The following MYT1L variants were observed in gnomAD, a reference collection of about 807,000 sequenced individuals.
The protein encoded by MYT1L is myelin transcription factor 1 like, also known as myelin transcription factor 1-like protein.
In MYT1L, 12 loss-of-function variants were observed where a neutral mutation model predicts 126.7. That is an observed-to-expected ratio of 0.09 (90% CI 0.06 to 0.15). The LOEUF (loss-of-function observed/expected upper bound fraction) is 0.15. MYT1L is among the 10% of genes least tolerant of loss of function. The pLI, the probability that MYT1L is intolerant of heterozygous loss-of-function variation, is 1.00. For synonymous variants in MYT1L, 541 were observed against 604.2 expected, an observed-to-expected ratio of 0.90 and a Z score of 1.53; for missense variants, 979 against 1,585.2, an observed-to-expected ratio of 0.62 and a Z score of 6.49.
At chr2:2,205,430 G>C (rs1175432396) in intron 2 of MYT1L, among the ~76,000 whole-genome samples, 1 of 152,084 alleles carries the variant, frequency 6.6e-6, no homozygotes, top group Admixed American at 6.5e-5. Flanking sequence ...TGTAAGTAAT[G>C]TTCCCTAAAT....
chr2:2,188,799 G>A (rs150577379), intron 2 of MYT1L, among the ~76,000 whole-genome samples: 23 of 152,280 alleles, frequency 1.5e-4, no homozygotes, highest in Non-Finnish European at 2.9e-4. Flanking sequence ...TGACAAGCTG[G>A]CCAAATGCAG....
chr2:1,868,067 G>C (rs1035954891), intron 18 of MYT1L, among the ~76,000 whole-genome samples: 5 of 151,972 alleles, frequency 3.3e-5, no homozygotes. Context: ...CCTGGGTTCA[G>C]GTGATTCCCC....
chr2:1,960,187 G>A (rs1218505266), intron 8 of MYT1L, among the ~76,000 whole-genome samples: 2 of 152,122 alleles, frequency 1.3e-5, no homozygotes, highest in African/African-American at 4.8e-5. Context: ...CGACATACAA[G>A]GCTTTACATG....
chr2:2,146,360 G>A (rs1289661331), intron 3 of MYT1L, among the ~76,000 whole-genome samples: 1 of 152,216 alleles, frequency 6.6e-6, no homozygotes, highest in Non-Finnish European at 1.5e-5. Flanking sequence ...AGGAGTGAGT[G>A]TGGCACAAGG....
At chr2:2,001,659 C>T (rs547285045) in intron 4 of MYT1L, among the ~76,000 whole-genome samples, 11 of 152,240 alleles carry the variant, frequency 7.2e-5, no homozygotes, top group Middle Eastern at 6.8e-3. Flanking sequence ...CACAATTTGG[C>T]CATTTTTGCA....
intron 2 of MYT1L, among the ~76,000 whole-genome samples, chr2:2,180,555 T>C (rs927166472): frequency 6.6e-6 from 1 of 151,502 alleles, no homozygotes; most frequent in South Asian, 2.1e-4. Context: ...TCTGTACCTG[T>C]GTGGGCCCGT....
chr2:2,089,417 C>T (rs1035855853), intron 3 of MYT1L, among the ~76,000 whole-genome samples: 6 of 152,188 alleles, frequency 3.9e-5, no homozygotes, highest in Non-Finnish European at 7.3e-5. Flanking sequence ...CTCAGGAGAT[C>T]CATCTCTCCT....
chr2:2,197,610 C>T (rs2092864062), intron 2 of MYT1L, among the ~76,000 whole-genome samples: 1 of 151,094 alleles, frequency 6.6e-6, no homozygotes, highest in Non-Finnish European at 1.5e-5. Flanking sequence ...AACATATACA[C>T]ACGTATATAC....
rs879735548 is a variant in MYT1L at position 1,956,607 on chromosome 2, TCTATCTATCTATCTAC to T, written c.153-13289_153-13274del. Among the ~76,000 whole-genome samples, 613 of 151,064 alleles carry T rather than the reference TCTATCTATCTATCTAC, an allele frequency of 4.1e-3. 4 individuals are homozygous for T. Among genetic ancestry groups the T allele is most frequent in the Non-Finnish European group, 7.0e-3 (474 of 67,798 alleles). On this transcript the variant is annotated intron_variant, in intron 8 of 24. Transcript: ENST00000647738. Reference sequence around the variant, plus strand: ...ATCTATCTATCTATCTATCTATCTATCTATCTATCTATCTACCTACCTACCTATCTAGCTATCTATT... The same window carrying T: ...ATCTATCTATCTATCTATCTATCTATCTACCTACCTATCTAGCTATCTATT...
intron 2 of MYT1L, among the ~76,000 whole-genome samples, chr2:2,279,332 C>T (rs1340549868): frequency 2.0e-5 from 3 of 151,530 alleles, no homozygotes; most frequent in South Asian, 4.2e-4. Flanking sequence ...GACAATAATG[C>T]CTTCTTACAT....
chr2:1,949,376 C>G (rs2057531836), intron 8 of MYT1L, among the ~76,000 whole-genome samples: 1 of 152,124 alleles, frequency 6.6e-6, no homozygotes, highest in South Asian at 2.1e-4. Context: ...GTCACCCCCA[C>G]CCCCTCCAAG....
chr2:2,284,132 T>C (rs1366672961), intron 2 of MYT1L, among the ~76,000 whole-genome samples: 1 of 152,202 alleles, frequency 6.6e-6, no homozygotes, highest in Non-Finnish European at 1.5e-5. Flanking sequence ...AGTTCATTTA[T>C]GAAATATTTA....
chr2:2,186,234 A>G lies in MYT1L; in HGVS notation c.-420-13246T>C, dbSNP rs184504191. Among the ~76,000 whole-genome samples the G allele has an allele frequency of 1.4e-5, 2 of 138,916 alleles. 1 individual carries two copies. Among genetic ancestry groups the G allele is most frequent in the African/African-American group, 5.9e-5 (2 of 33,786 alleles). The allele number at this position is 138,916 out of a possible 152,430, so 91.1% of individuals were successfully genotyped here. On this transcript the variant is annotated intron_variant, in intron 2 of 24. Transcript: ENST00000647738. ...TCCCGAGTCCCGCGTTCCTTACGTG[A>G]GGGGGACGCAGCCAGGCCTTCCGGG...
At chr2:2,179,764 C>T (rs1350142601) in intron 2 of MYT1L, among the ~76,000 whole-genome samples, 1 of 152,174 alleles carries the variant, frequency 6.6e-6, no homozygotes, top group Non-Finnish European at 1.5e-5. Context: ...CTAAGACTTA[C>T]CACCACCTTA....
At chr2:2,240,548 T>A (rs1472570420) in intron 2 of MYT1L, among the ~76,000 whole-genome samples, 1 of 152,240 alleles carries the variant, frequency 6.6e-6, no homozygotes, top group Admixed American at 6.5e-5. Flanking sequence ...CATCTATTTT[T>A]ATAGTAACAC....
At chr2:1,918,874 C>A (rs1419775460) in intron 10 of MYT1L, among the ~76,000 whole-genome samples, 2 of 152,110 alleles carry the variant, frequency 1.3e-5, no homozygotes, top group Non-Finnish European at 2.9e-5. Flanking sequence ...AACAAAAATG[C>A]CTAGCACTTT....
intron 8 of MYT1L, among the ~76,000 whole-genome samples, chr2:1,970,845 T>C (rs552158081): frequency 6.6e-6 from 1 of 152,220 alleles, no homozygotes; most frequent in Non-Finnish European, 1.5e-5. Flanking sequence ...AGTTCCCAAA[T>C]TGTATATTTT....
chr2:2,322,168 T>C (rs930385095), intron 1 of MYT1L, among the ~76,000 whole-genome samples: 2 of 151,966 alleles, frequency 1.3e-5, no homozygotes, highest in African/African-American at 4.8e-5. Flanking sequence ...CTGTTTTTTT[T>C]TTTTCTTTCA....
intron 8 of MYT1L, among the ~76,000 whole-genome samples, chr2:1,965,726 G>T (rs956059924): frequency 6.6e-6 from 1 of 152,224 alleles, no homozygotes; most frequent in Non-Finnish European, 1.5e-5. Flanking sequence ...TAAACCCAAG[G>T]CCTCACGAAT....
Sources: gnomAD v4.1 joint callset for allele counts (sites outside exome capture counted in the v4.1 genomes callset) on GRCh38, gnomAD v4.1.1 for gene constraint, MANE v1.5 for transcripts, NCBI Gene and HGNC (gene_info 2026-07-23, HGNC 2026-07-21) for gene names.